The following FNDC3A variants were observed in gnomAD, a reference collection of about 807,000 sequenced individuals.
FNDC3A encodes the protein fibronectin type-III domain-containing protein 3A.
FNDC3A carries 32 observed loss-of-function variants against 148.9 expected under a neutral mutation model. The ratio of observed to expected loss-of-function variants is 0.21; its 90% CI spans 0.16 to 0.29. The LOEUF (loss-of-function observed/expected upper bound fraction) is 0.29. Among genes scored for constraint, FNDC3A ranks in the 10% least tolerant of loss-of-function variants. FNDC3A has a pLI of 1.00. For missense variants in FNDC3A, 1,191 were observed against 1,452.8 expected, an observed-to-expected ratio of 0.82 and a Z score of 2.93; for synonymous variants, 472 against 473.6, an observed-to-expected ratio of 1.00 and a Z score of 0.04.
intron 3 of FNDC3A, among the ~76,000 whole-genome samples, chr13:49,078,670 G>A (rs527980597): frequency 7.9e-5 from 12 of 152,198 alleles, no homozygotes; most frequent in South Asian, 6.2e-4. Context: ...CTCTGAGCAA[G>A]AGAAGACAAG....
chr13:49,187,445 C>T, intron 16 of FNDC3A: 1 of 1,285,592 alleles, frequency 7.8e-7, no homozygotes, highest in Non-Finnish European at 1.1e-6. Context: ...TTAAAATGCT[C>T]TTCATATCTG....
At chr13:49,132,823 T>C (rs1038356311) in intron 5 of FNDC3A, among the ~76,000 whole-genome samples, 2 of 152,232 alleles carry the variant, frequency 1.3e-5, no homozygotes, top group African/African-American at 2.4e-5. Context: ...TTCCTGATCT[T>C]ACCTTGTTAG....
At chr13:48,994,925 A>G (rs1951996734) in intron 1 of FNDC3A, among the ~76,000 whole-genome samples, 1 of 152,178 alleles carries the variant, frequency 6.6e-6, no homozygotes, top group Non-Finnish European at 1.5e-5. Flanking sequence ...TCATTATACT[A>G]TTATGTTTAC....
intron 10 of FNDC3A, 25 bp from the exon 11 acceptor site, chr13:49,172,018 T>G: frequency 1.3e-6 from 2 of 1,564,090 alleles, no homozygotes; most frequent in Non-Finnish European, 1.8e-6. Flanking sequence ...TTTGTTTTCA[T>G]TTTGTTTTTT....
chr13:49,160,861 C>G lies in FNDC3A; in HGVS notation c.978-6383C>G, dbSNP rs1884058668. 4.0e-5 allele frequency among the ~76,000 whole-genome samples: 6 copies of G among 151,884 alleles called. No individual in the cohort carries two copies. In the South Asian group the frequency reaches 1.2e-3, roughly 32 times the overall value. On this transcript the variant is annotated intron_variant, in intron 8 of 25. Coordinates refer to ENST00000492622, the MANE Select transcript of FNDC3A (RefSeq NM_001079673.2). Reference sequence around the variant, plus strand: ...TTTCAAAAAACATCTTTATTTCTGCCTTCATTTCGTTATGTACCCAGTAGT... The same window carrying G: ...TTTCAAAAAACATCTTTATTTCTGCGTTCATTTCGTTATGTACCCAGTAGT...
rs570082389 is a variant in FNDC3A, at chr13:49,176,416, A to G, written c.1530+875A>G. Reference sequence around the variant, plus strand: ...CAAACACTGCATGTTCTCACTCACAAGTGGGAACTGAACAATGAGAACACC... The same window carrying G: ...CAAACACTGCATGTTCTCACTCACAGGTGGGAACTGAACAATGAGAACACC... On this transcript the variant is annotated intron_variant, in intron 13 of 25. Transcript: ENST00000492622. Among the ~76,000 whole-genome samples the G allele has an allele frequency of 2.0e-5, 3 of 151,706 alleles. No homozygotes were observed. In the East Asian group the frequency reaches 5.8e-4, roughly 29 times the overall value.
intron 1 of FNDC3A, among the ~76,000 whole-genome samples, chr13:49,005,199 T>C (rs963563393): frequency 2.7e-5 from 4 of 150,502 alleles, no homozygotes; most frequent in African/African-American, 1.0e-4. Flanking sequence ...CTAAATCAAC[T>C]TGTGAGATTC....
chr13:49,062,747 T>C (rs1489984698), intron 2 of FNDC3A, among the ~76,000 whole-genome samples: 2 of 152,238 alleles, frequency 1.3e-5, no homozygotes, highest in African/African-American at 4.8e-5. Context: ...TGTTACACTA[T>C]AAGTTAATTG....
chr13:49,180,023 TG>T (rs1225173450), intron 14 of FNDC3A, among the ~76,000 whole-genome samples: 2 of 152,222 alleles, frequency 1.3e-5, no homozygotes, highest in African/African-American at 4.8e-5. Flanking sequence ...TATTTATACA[TG>T]TGTATATACA....
intron 3 of FNDC3A, among the ~76,000 whole-genome samples, chr13:49,082,689 A>C (rs1364001402): frequency 1.3e-5 from 2 of 152,068 alleles, no homozygotes; most frequent in African/African-American, 4.8e-5. Context: ...TCAGAGCCCT[A>C]ATTGAATGAG....
chr13:49,188,811 G>T (rs1374989345), intron 17 of FNDC3A, among the ~76,000 whole-genome samples, 178 bp downstream of exon 17: 1 of 152,204 alleles, frequency 6.6e-6, no homozygotes, highest in Non-Finnish European at 1.5e-5. Flanking sequence ...TTAGCTCACA[G>T]TAAGTATTCA....
chr13:49,209,285 A>G lies in FNDC3A; in HGVS notation c.*1890A>G, dbSNP rs562642690. ...GGCTTATGTTTTTCATAGTAATTCAAATGAACTTCCTATTTTTGATAGTAA... is the reference window on the plus strand; with the variant it reads ...GGCTTATGTTTTTCATAGTAATTCAGATGAACTTCCTATTTTTGATAGTAA... On this transcript the variant is annotated 3_prime_UTR_variant, in exon 26 of 26. Transcript: ENST00000492622. The G allele has an allele frequency of 1.8e-4, 28 of 152,758 alleles. 1 individual carries two copies. Among genetic ancestry groups the G allele is most frequent in the Middle Eastern group, 6.8e-3 (2 of 294 alleles). The allele number at this position is 152,758 out of a possible 1,614,324, so 9.5% of individuals were successfully genotyped here.
At chr13:49,069,283 G>A (rs891938960) in intron 2 of FNDC3A, among the ~76,000 whole-genome samples, 3 of 152,066 alleles carry the variant, frequency 2.0e-5, no homozygotes, top group East Asian at 1.9e-4. Flanking sequence ...TAAAGATGAC[G>A]GTGGCCTCCT....
At chr13:48,993,875 A>T (rs1384262315) in intron 1 of FNDC3A, among the ~76,000 whole-genome samples, 1 of 152,194 alleles carries the variant, frequency 6.6e-6, no homozygotes. Flanking sequence ...TGTGCCCAGA[A>T]TGTGCTCTTA....
chr13:49,066,083 T>C (rs949396404), intron 2 of FNDC3A, among the ~76,000 whole-genome samples: 1 of 152,210 alleles, frequency 6.6e-6, no homozygotes, highest in African/African-American at 2.4e-5. Context: ...AGTGACAAGA[T>C]TCTTTGTCTT....
intron 3 of FNDC3A, among the ~76,000 whole-genome samples, chr13:49,081,883 G>A (rs1028327103): frequency 6.6e-6 from 1 of 151,562 alleles, no homozygotes; most frequent in African/African-American, 2.4e-5. Flanking sequence ...TCATCAGACC[G>A]TTGCCAGTCT....
chr13:49,086,163 T>A (rs1232083196), intron 3 of FNDC3A, among the ~76,000 whole-genome samples: 1 of 152,266 alleles, frequency 6.6e-6, no homozygotes, highest in Non-Finnish European at 1.5e-5. Context: ...ATTACAGGCA[T>A]GAGCCACTGC....
At chr13:48,998,845 C>A (rs574584197) in intron 1 of FNDC3A, among the ~76,000 whole-genome samples, 1 of 152,078 alleles carries the variant, frequency 6.6e-6, no homozygotes, top group South Asian at 2.1e-4. Context: ...CCATCTCAAC[C>A]GAAGCCAGGA....
At chr13:49,174,139 T>A (rs969049845) in intron 11 of FNDC3A, among the ~76,000 whole-genome samples, 1 of 152,138 alleles carries the variant, frequency 6.6e-6, no homozygotes. Context: ...TAGTCTTCTA[T>A]GGAGATTGTA....
Sources: allele counts gnomAD v4.1 joint callset (sites outside exome capture counted in the v4.1 genomes callset), GRCh38; gene constraint gnomAD v4.1.1; transcripts MANE v1.5; gene names NCBI Gene and HGNC (gene_info 2026-07-23, HGNC 2026-07-21).